The following LARP1B variants were observed in gnomAD, a reference collection of about 807,000 sequenced individuals.
The protein encoded by LARP1B is la-related protein 1B.
In LARP1B, 76 loss-of-function variants were observed where a neutral mutation model predicts 114.2. The ratio of observed to expected loss-of-function variants is 0.67; its 90% CI spans 0.55 to 0.81. The LOEUF (loss-of-function observed/expected upper bound fraction) is 0.81. Ranked by LOEUF, LARP1B falls within the 30% of genes least tolerant of loss-of-function variation. The pLI is 0.00. For missense variants in LARP1B, 1,014 were observed against 1,075.8 expected, an observed-to-expected ratio of 0.94 and a Z score of 0.80; for synonymous variants, 345 against 348.0, an observed-to-expected ratio of 0.99 and a Z score of 0.10.
At chr4:128,166,303 A>T (rs1740786395) in intron 12 of LARP1B, among the ~76,000 whole-genome samples, 1 of 151,862 alleles carries the variant, frequency 6.6e-6, no homozygotes, top group African/African-American at 2.4e-5. Context: ...TATATATTTA[A>T]AATATATCTA....
chr4:128,221,277 T>C (rs1760008622), intron 7 of LARP1B, among the ~76,000 whole-genome samples: 1 of 152,234 alleles, frequency 6.6e-6, no homozygotes, highest in African/African-American at 2.4e-5. Flanking sequence ...CTGAGCATTT[T>C]ATTTAGAATT....
At chr4:128,140,097 T>A (rs1422357158) in intron 11 of LARP1B, among the ~76,000 whole-genome samples, 1 of 152,248 alleles carries the variant, frequency 6.6e-6, no homozygotes, top group African/African-American at 2.4e-5. Flanking sequence ...TTTTAATAAT[T>A]ATTGCATGTC....
chr4:128,069,522 A>G, intron 1 of LARP1B: 1 of 747,758 alleles, frequency 1.3e-6, no homozygotes, highest in Non-Finnish European at 2.5e-6. Context: ...AGCCCTGTGG[A>G]GAGCAGAGAG....
chr4:128,097,535 G>A (rs989116397), intron 7 of LARP1B, among the ~76,000 whole-genome samples: 7 of 151,824 alleles, frequency 4.6e-5, no homozygotes, highest in East Asian at 3.9e-4. Flanking sequence ...TTGAACTGCC[G>A]ACCTCAGGGG....
In LARP1B at chr4:128,210,200, A is replaced by T; in HGVS notation, c.*147A>T. On this transcript the variant is annotated 3_prime_UTR_variant, in exon 20 of 20. Coordinates refer to ENST00000326639, the MANE Select transcript of LARP1B (RefSeq NM_018078.4). ...CTGGTGTTTAATTGTGATAATAAGAAAGAAGAAAAAGAAAGAAAAGTGGTA... is the reference window on the plus strand; with the variant it reads ...CTGGTGTTTAATTGTGATAATAAGATAGAAGAAAAAGAAAGAAAAGTGGTA... The T allele has an allele frequency of 6.9e-7, 1 of 1,440,756 alleles. No homozygotes were observed. Among genetic ancestry groups the T allele is most frequent in the East Asian group, 2.4e-5 (1 of 40,860 alleles). 89.2% of individuals were successfully genotyped at this position (1,440,756 alleles called of 1,614,324 possible).
At chr4:128,151,450 A>G (rs772678167) in intron 11 of LARP1B, among the ~76,000 whole-genome samples, 2 of 152,208 alleles carry the variant, frequency 1.3e-5, no homozygotes, top group African/African-American at 2.4e-5. Context: ...CTTGAGAGTC[A>G]TATAATTTTA....
chr4:128,196,367 A>G (rs1474546862), intron 15 of LARP1B, among the ~76,000 whole-genome samples: 1 of 151,266 alleles, frequency 6.6e-6, no homozygotes. Context: ...AAAATCCAAA[A>G]AATTAGCCAG....
At chr4:128,222,123 T>C (rs1200841218) in intron 7 of LARP1B, among the ~76,000 whole-genome samples, 8 of 152,222 alleles carry the variant, frequency 5.3e-5, no homozygotes, top group Non-Finnish European at 7.3e-5. Flanking sequence ...AATTGTTTTA[T>C]TGTCCTAACA....
intron 7 of LARP1B, among the ~76,000 whole-genome samples, chr4:128,221,733 A>C (rs1760053944): frequency 1.3e-5 from 2 of 152,176 alleles, no homozygotes; most frequent in Non-Finnish European, 2.9e-5. Flanking sequence ...GGTGAGACTT[A>C]TTTTAATGAG....
At chr4:128,090,349 C>T (rs530167972) in intron 5 of LARP1B, among the ~76,000 whole-genome samples, 4 of 152,046 alleles carry the variant, frequency 2.6e-5, no homozygotes, top group Non-Finnish European at 5.9e-5. Flanking sequence ...CTGGGATTGC[C>T]GGCCTGAGCC....
chr4:128,213,064 A>T (rs533736660), downstream of LARP1B, among the ~76,000 whole-genome samples: 1 of 151,858 alleles, frequency 6.6e-6, no homozygotes. Context: ...GACTATAGGC[A>T]TGCACCACTA....
Position 128,188,096 on chromosome 4 carries a change from C to T in LARP1B, c.2003+8584C>T, listed in dbSNP as rs560352869. On this transcript the variant is annotated intron_variant, in intron 15 of 19. Transcript: ENST00000326639. ...CGGGTATTTTTTTTTTTTTTTGAGG[C>T]GGAGTTTTGCTCTTGTTGCCCAGGC... Among the ~76,000 whole-genome samples the T allele has an allele frequency of 2.0e-4, 29 of 145,478 alleles. 1 individual carries two copies. Among genetic ancestry groups the T allele is most frequent in the South Asian group, 8.7e-4 (4 of 4,598 alleles).
chr4:128,092,243 T>A (rs1461511128), intron 7 of LARP1B, among the ~76,000 whole-genome samples: 1 of 152,152 alleles, frequency 6.6e-6, no homozygotes, highest in Non-Finnish European at 1.5e-5. Flanking sequence ...ATCTTTTGAT[T>A]TTCTTCTTAG....
intron 9 of LARP1B, among the ~76,000 whole-genome samples, chr4:128,112,910 T>TA (rs1257703634): frequency 6.6e-6 from 1 of 152,232 alleles, no homozygotes; most frequent in Non-Finnish European, 1.5e-5. Flanking sequence ...ATATTAAAGC[T>TA]ATCTGATTTT....
chr4:128,155,628 A>G, intron 11 of LARP1B: 1 of 1,322,580 alleles, frequency 7.6e-7, no homozygotes, highest in East Asian at 2.3e-5. Context: ...AACCCCAGCC[A>G]GGAGCCATCC....
In LARP1B at chr4:128,121,900, T is replaced by C. The variant is rs1347936576; in HGVS notation, c.1236T>C (p.Asp412=). 1.2e-6 allele frequency: 2 copies of C among 1,612,480 alleles called. No homozygotes were observed. The highest frequency in any genetic ancestry group is 8.5e-7 in the Non-Finnish European group (1 of 1,179,594). Residue 412 remains aspartate, a synonymous_variant, in exon 11 of 20, where the codon GAT becomes GAC. Coordinates refer to ENST00000326639, the MANE Select transcript of LARP1B (RefSeq NM_018078.4). ...SSEEPEQEEL[D]FLFDEEIEQI... ...AAGAACCAGAACAAGAAGAACTTGA[T>C]TTTTTGTTTGATGAAGAGATTGAAC...
At chr4:128,219,200 C>G (rs1759779079) in intron 6 of LARP1B, among the ~76,000 whole-genome samples, 1 of 148,142 alleles carries the variant, frequency 6.8e-6, no homozygotes, top group African/African-American at 2.5e-5. Context: ...GTTGGTGGGA[C>G]TGTAAACTAG....
chr4:128,211,514 C>T lies in LARP1B; in HGVS notation c.*1461C>T. 4 of 900,680 alleles carry T rather than the reference C, an allele frequency of 4.4e-6. No individual in the cohort carries two copies. The highest frequency in any genetic ancestry group is 5.3e-6 in the Non-Finnish European group (4 of 752,964). 55.8% of individuals were successfully genotyped at this position (900,680 alleles called of 1,614,324 possible). A position where few individuals can be genotyped will look rare whatever the true frequency, so the allele number is the denominator to read the frequency against. On this transcript the variant is annotated 3_prime_UTR_variant, in exon 20 of 20. Coordinates refer to ENST00000326639, the MANE Select transcript of LARP1B (RefSeq NM_018078.4). The stretch of plus-strand genomic sequence containing the variant: ...TACTATTTGGAGGGTCATTTTGATG[C>T]TTTAAATTGCAGAAATAGTCAAATT...
intron 5 of LARP1B, among the ~76,000 whole-genome samples, chr4:128,084,641 A>G (rs1358555635): frequency 3.3e-5 from 5 of 151,286 alleles, no homozygotes; most frequent in South Asian, 2.1e-4. Flanking sequence ...GGAGGGGGAG[A>G]GGGAGAGGGA....
Sources: allele counts gnomAD v4.1 joint callset (sites outside exome capture counted in the v4.1 genomes callset), GRCh38; gene constraint gnomAD v4.1.1; transcripts MANE v1.5; gene names NCBI Gene and HGNC (gene_info 2026-07-23, HGNC 2026-07-21).